Variants in B3GALT1 observed in about 807,000 individuals in gnomAD.
The protein encoded by B3GALT1 is beta-1,3-galactosyltransferase 1.
A neutral mutation model predicts 23.2 loss-of-function variants in B3GALT1; 10 were observed. That is an observed-to-expected ratio of 0.43 (90% confidence interval 0.27 to 0.73). The LOEUF is 0.73. Among genes scored for constraint, B3GALT1 ranks in the 30% least tolerant of loss-of-function variants. B3GALT1 has a pLI of 0.21. For synonymous variants in B3GALT1, 156 were observed against 141.5 expected (o/e 1.10, Z -0.73); for missense variants, 299 against 405.4 (o/e 0.74, Z 2.25).
At chr2:167,321,291 T>G (rs2105493036) in intron 1 of B3GALT1, among the ~76,000 whole-genome samples, 1 of 152,232 alleles carries the variant, frequency 6.6e-6, no homozygotes, top group Admixed American at 6.5e-5. Context: ...TTTAAAAATT[T>G]TTGTTTACAC....
At chr2:167,346,969 G>T (rs1249662699) in intron 1 of B3GALT1, among the ~76,000 whole-genome samples, 3 of 151,998 alleles carry the variant, frequency 2.0e-5, no homozygotes, top group Non-Finnish European at 4.4e-5. Flanking sequence ...AATTGTAAAA[G>T]TTCATATAAA....
At chr2:167,421,754 G>A (rs1351654224) in intron 1 of B3GALT1, among the ~76,000 whole-genome samples, 3 of 152,048 alleles carry the variant, frequency 2.0e-5, no homozygotes, top group African/African-American at 4.8e-5. Context: ...AAAAGATGAT[G>A]ATATGAATGT....
chr2:167,512,627 TATATATATAC>T (rs1490493486), intron 2 of B3GALT1, among the ~76,000 whole-genome samples: 13,552 of 126,808 alleles, frequency 0.11, 1,491 homozygotes, highest in East Asian at 0.22. Context: ...TATACGTGTA[TATATATATAC>T]ATATATATAT....
intron 1 of B3GALT1, among the ~76,000 whole-genome samples, chr2:167,354,268 CT>C (rs1234255628): frequency 6.6e-6 from 1 of 151,924 alleles, no homozygotes; most frequent in Non-Finnish European, 1.5e-5. Context: ...TTATTACTAA[CT>C]TTTCTTATTT....
intron 3 of B3GALT1, among the ~76,000 whole-genome samples, chr2:167,741,104 C>A (rs1209501734): frequency 1.3e-5 from 2 of 152,142 alleles, no homozygotes; most frequent in Non-Finnish European, 2.9e-5. Context: ...CTGTCATGGA[C>A]AAGGACTTCT....
At chr2:167,467,428 A>AT (rs1312408707) in intron 1 of B3GALT1, among the ~76,000 whole-genome samples, 9 of 152,118 alleles carry the variant, frequency 5.9e-5, no homozygotes, top group African/African-American at 1.9e-4. Flanking sequence ...TCACATCAAG[A>AT]TTTTTAGAAG....
At chr2:167,408,870 A>G (rs921397725) in intron 1 of B3GALT1, among the ~76,000 whole-genome samples, 1 of 151,902 alleles carries the variant, frequency 6.6e-6, no homozygotes, top group African/African-American at 2.4e-5. Context: ...ATTGAAGAAG[A>G]CACACACACA....
intron 2 of B3GALT1, among the ~76,000 whole-genome samples, chr2:167,567,787 A>G (rs1490867156): frequency 6.6e-6 from 1 of 152,106 alleles, no homozygotes; most frequent in Non-Finnish European, 1.5e-5. Context: ...TTGGTGTTGT[A>G]CATCCCATGG....
chr2:167,483,809 C>T (rs1005577129), intron 1 of B3GALT1, among the ~76,000 whole-genome samples: 117 of 152,268 alleles, frequency 7.7e-4, no homozygotes, highest in African/African-American at 2.7e-3. Flanking sequence ...CCTGCTTTTC[C>T]AATGAAGATA....
intron 2 of B3GALT1, among the ~76,000 whole-genome samples, chr2:167,599,560 T>C (rs1461766638): frequency 6.6e-6 from 1 of 152,228 alleles, no homozygotes; most frequent in Non-Finnish European, 1.5e-5. Flanking sequence ...TGGAGAAAGC[T>C]GTGATTTTTG....
At chr2:167,421,747 AGAT>A (rs1698549102) in intron 1 of B3GALT1, among the ~76,000 whole-genome samples, 1 of 152,192 alleles carries the variant, frequency 6.6e-6, no homozygotes, top group Non-Finnish European at 1.5e-5. Context: ...AGTGGCCAAA[AGAT>A]GATGATATGA....
chr2:167,819,885 A>G (rs574742280), intron 4 of B3GALT1, among the ~76,000 whole-genome samples: 12 of 152,312 alleles, frequency 7.9e-5, no homozygotes, highest in African/African-American at 2.2e-4. Context: ...CTAAGGTTTC[A>G]GTTGATAGTT....
intron 1 of B3GALT1, among the ~76,000 whole-genome samples, chr2:167,445,329 T>G (rs6735349): frequency 6.6e-6 from 1 of 152,030 alleles, no homozygotes; most frequent in African/African-American, 2.4e-5. Flanking sequence ...TGCTGAGAGG[T>G]ATGTATATTC....
At chr2:167,582,757 C>T (rs1445555582) in intron 2 of B3GALT1, among the ~76,000 whole-genome samples, 1 of 152,082 alleles carries the variant, frequency 6.6e-6, no homozygotes, top group African/African-American at 2.4e-5. Flanking sequence ...CAAGCCCATC[C>T]CTGGGCATTC....
intron 1 of B3GALT1, among the ~76,000 whole-genome samples, chr2:167,348,011 T>C (rs1319049625): frequency 2.0e-5 from 3 of 152,182 alleles, no homozygotes; most frequent in Non-Finnish European, 4.4e-5. Flanking sequence ...CCAAAACTTA[T>C]TTACTGTGTG....
intron 3 of B3GALT1, among the ~76,000 whole-genome samples, chr2:167,650,222 G>T (rs1380604404): frequency 6.7e-6 from 1 of 149,216 alleles, no homozygotes; most frequent in Non-Finnish European, 1.5e-5. Context: ...TGTATTGATT[G>T]GTTTTGTATT....
intron 2 of B3GALT1, among the ~76,000 whole-genome samples, chr2:167,560,459 T>G (rs1683956315): frequency 6.6e-6 from 1 of 151,552 alleles, no homozygotes. Context: ...ATAACAATAT[T>G]AACTTTAAAT....
intron 2 of B3GALT1, among the ~76,000 whole-genome samples, chr2:167,560,258 C>G (rs372160596): frequency 1.8e-4 from 28 of 152,060 alleles, no homozygotes; most frequent in East Asian, 5.8e-4. Flanking sequence ...CAAATGCTGA[C>G]AGATTTTGTC....
At chr2:167,323,584 G>A (rs1035563543) in intron 1 of B3GALT1, among the ~76,000 whole-genome samples, 7 of 150,906 alleles carry the variant, frequency 4.6e-5, no homozygotes, top group African/African-American at 1.7e-4. Flanking sequence ...GAGTGATAGA[G>A]CTTTTTTAGG....
Sources: allele counts gnomAD v4.1 joint callset (sites outside exome capture counted in the v4.1 genomes callset), GRCh38; gene constraint gnomAD v4.1.1; transcripts MANE v1.5; gene names NCBI Gene and HGNC (gene_info 2026-07-23, HGNC 2026-07-21).